FCAR: variants seen among roughly 807,000 people sequenced by gnomAD.
The protein encoded by FCAR is Fc alpha receptor.
In FCAR, 21 loss-of-function variants were observed where a neutral mutation model predicts 27.1. That is an observed-to-expected ratio of 0.77 (90% CI 0.55 to 1.11). FCAR has a LOEUF of 1.11. Ranked by LOEUF, FCAR falls within the 50% of genes most tolerant of loss-of-function variation. FCAR has a pLI of 0.00. For missense variants in FCAR, 404 were observed against 358.4 expected (o/e 1.13, Z -1.03); for synonymous variants, 134 against 135.8 (o/e 0.99, Z 0.09).
chr19:54,886,767 A>C (rs907292241), intron 3 of FCAR, among the ~76,000 whole-genome samples: 1 of 152,136 alleles, frequency 6.6e-6, no homozygotes, highest in Non-Finnish European at 1.5e-5. Context: ...TGACCTTGTC[A>C]GTTTTGAGGG....
intron 4 of FCAR, among the ~76,000 whole-genome samples, chr19:54,889,288 A>G (rs1436880429): frequency 7.0e-6 from 1 of 143,698 alleles, no homozygotes; most frequent in Admixed American, 7.2e-5. Flanking sequence ...CAGGAGAATC[A>G]CTTGACCAGG....
chr19:54,877,511 C>T (rs1412019171), intron 2 of FCAR, among the ~76,000 whole-genome samples: 2 of 152,050 alleles, frequency 1.3e-5, no homozygotes, highest in Non-Finnish European at 2.9e-5. Context: ...TCTAACTAGT[C>T]ATCTGTCTTA....
intron 4 of FCAR, chr19:54,888,769 G>A (rs147409473): frequency 0.044 from 43,118 of 969,680 alleles, 1,132 homozygotes; most frequent in Admixed American, 0.11. Context: ...GCCTCCCAAA[G>A]TGCTGGGATT....
rs764973400 is a variant in FCAR, at chr19:54,888,028, T to C, written c.383T>C (p.Leu128Pro). 8.1e-6 allele frequency: 13 copies of C among 1,613,662 alleles called. No individual in the cohort carries two copies. The highest frequency in any genetic ancestry group is 1.7e-6 in the Non-Finnish European group (2 of 1,179,708). Residue 128 changes from leucine to proline, a missense_variant, in exon 4 of 5, where the codon CTC becomes CCC. Leu to Pro is a moderately conservative substitution (Grantham distance 98). Coordinates refer to ENST00000355524, the MANE Select transcript of FCAR (RefSeq NM_002000.4). The part of the protein sequence containing the change: ...VVTGLYGKPF[L>P]SADRGLVLMP... ...TTAGGCTTGTATGGCAAACCCTTCC[T>C]CTCTGCAGATCGGGGTCTGGTGTTG...
chr19:54,888,610 C>G (rs894232253), intron 4 of FCAR: 10 of 866,988 alleles, frequency 1.2e-5, no homozygotes, highest in African/African-American at 7.0e-5. Flanking sequence ...TGCAGTGGCA[C>G]GATCTCGACT....
chr19:54,875,154 C>T (rs1190585270), intron 1 of FCAR, among the ~76,000 whole-genome samples, 176 bp from the exon 2 acceptor site: 1 of 149,486 alleles, frequency 6.7e-6, no homozygotes. Context: ...TTGGGCGACA[C>T]AGCGAGACTC....
intron 2 of FCAR, among the ~76,000 whole-genome samples, chr19:54,878,540 CTT>C (rs1214195941): frequency 6.6e-6 from 1 of 151,380 alleles, no homozygotes; most frequent in African/African-American, 2.4e-5. Context: ...TCTTCATGCT[CTT>C]TTTTTAATTT....
At chr19:54,877,030 T>C (rs1231511648) in intron 2 of FCAR, among the ~76,000 whole-genome samples, 4 of 152,238 alleles carry the variant, frequency 2.6e-5, no homozygotes, top group Admixed American at 2.6e-4. Flanking sequence ...TTTGCATTTA[T>C]GTTCAACAAG....
At chr19:54,876,884 A>G (rs1269090488) in intron 2 of FCAR, among the ~76,000 whole-genome samples, 1 of 152,272 alleles carries the variant, frequency 6.6e-6, no homozygotes, top group East Asian at 1.9e-4. Context: ...TCACGCCACT[A>G]CACTCCAGCC....
chr19:54,879,650 C>A (rs1279061851), intron 2 of FCAR, among the ~76,000 whole-genome samples: 1 of 150,380 alleles, frequency 6.6e-6, no homozygotes, highest in Non-Finnish European at 1.5e-5. Flanking sequence ...AGGTGACCTG[C>A]CCCTTCTTTT....
At chr19:54,885,155 T>G in intron 2 of FCAR, 80 bp from the exon 3 acceptor site, 1 of 1,290,090 alleles carries the variant, frequency 7.8e-7, no homozygotes. Context: ...CCCTAATGTA[T>G]TTTTACTTCT....
chr19:54,889,810 C>A lies in FCAR; in HGVS notation c.811C>A (p.Gln271Lys). 1 of 1,611,150 alleles carries A rather than the reference C, an allele frequency of 6.2e-7. No homozygotes were observed. The change falls in exon 5 of 5, where the codon CAG (glutamine) becomes AAG (lysine). Residue 271 changes from glutamine (Q) to lysine (K), a missense_variant. Physicochemically the swap from Gln to Lys is moderately conservative, Grantham distance 53. Coordinates refer to ENST00000355524, the MANE Select transcript of FCAR (RefSeq NM_002000.4). ...ADVAEPSWSQ[Q>K]MCQPGLTFAR... ...TGTGGCTGAACCGAGCTGGAGCCAACAGATGTGTCAGCCAGGATTGACCTT... is the reference window on the plus strand; with the variant it reads ...TGTGGCTGAACCGAGCTGGAGCCAAAAGATGTGTCAGCCAGGATTGACCTT...
intron 3 of FCAR, among the ~76,000 whole-genome samples, chr19:54,887,549 A>G (rs587775188): frequency 6.6e-6 from 1 of 151,584 alleles, no homozygotes; most frequent in East Asian, 1.9e-4. Flanking sequence ...TGAACCTCGG[A>G]GGTGGAGGTT....
intron 2 of FCAR, among the ~76,000 whole-genome samples, chr19:54,877,245 T>C (rs1228696910): frequency 6.6e-6 from 1 of 152,192 alleles, no homozygotes; most frequent in Non-Finnish European, 1.5e-5. Flanking sequence ...TTTTCTGGTC[T>C]GTAGGATTTT....
At chr19:54,875,410 G>A in intron 2 of FCAR, 45 bp downstream of exon 2, 1 of 1,523,310 alleles carries the variant, frequency 6.6e-7, no homozygotes, top group African/African-American at 1.4e-5. Flanking sequence ...GACCCTCTTG[G>A]GAGCTCTAGG....
At chr19:54,879,436 C>T (rs2066286369) in intron 2 of FCAR, among the ~76,000 whole-genome samples, 1 of 152,118 alleles carries the variant, frequency 6.6e-6, no homozygotes. Flanking sequence ...TAAGGCAGGC[C>T]TGATGGTAAT....
intron 2 of FCAR, among the ~76,000 whole-genome samples, chr19:54,883,334 C>A (rs2066526771): frequency 6.6e-6 from 1 of 152,120 alleles, no homozygotes; most frequent in African/African-American, 2.4e-5. Context: ...GGAGGGGTGA[C>A]TCCCTCGCCT....
intron 4 of FCAR, chr19:54,889,070 G>GGA (rs2066916970): frequency 1.7e-5 from 2 of 118,390 alleles, no homozygotes; most frequent in African/African-American, 6.4e-5. Context: ...TCCACCTCAA[G>GGA]AAAAAAAAAA....
intron 2 of FCAR, among the ~76,000 whole-genome samples, chr19:54,877,122 C>T (rs2145837588): frequency 6.6e-6 from 1 of 152,310 alleles, no homozygotes; most frequent in South Asian, 2.1e-4. Context: ...ATAGAATGAG[C>T]TGGGGAGGCA....
Sources: allele counts gnomAD v4.1 joint callset (sites outside exome capture counted in the v4.1 genomes callset), GRCh38; gene constraint gnomAD v4.1.1; transcripts MANE v1.5; gene names NCBI Gene and HGNC (gene_info 2026-07-23, HGNC 2026-07-21).